The following DDX50 variants were observed in gnomAD, a reference collection of about 807,000 sequenced individuals.
DDX50 encodes the protein DExD-box helicase 50.
Under a neutral mutation model 94.8 loss-of-function variants are expected in DDX50, and 56 were observed. The ratio of observed to expected loss-of-function variants is 0.59; its 90% CI spans 0.48 to 0.74. The LOEUF (loss-of-function observed/expected upper bound fraction) is 0.74, where lower values mean the gene tolerates loss of function less well. Among genes scored for constraint, DDX50 ranks in the 30% least tolerant of loss-of-function variants. The pLI is 0.00. For missense variants in DDX50, 713 were observed against 881.2 expected (o/e 0.81, Z 2.42); for synonymous variants, 264 against 295.4 (o/e 0.89, Z 1.09).
chr10:68,946,816 A>T lies in DDX50; in HGVS notation c.*186A>T, dbSNP rs945202053. ...TCTACTTATCCAGTTATACCTTTGA[A>T]TAAAAAAACCTCCTTTTATTGTCTC... On this transcript the variant is annotated 3_prime_UTR_variant, in exon 15 of 15. Transcript: ENST00000373585. 2 of 702,894 alleles carry T rather than the reference A, an allele frequency of 2.8e-6. No homozygotes were observed. Among genetic ancestry groups the T allele is most frequent in the Non-Finnish European group, 4.5e-6 (2 of 446,072 alleles). 43.5% of individuals were successfully genotyped at this position (702,894 alleles called of 1,614,324 possible). A position where few individuals can be genotyped will look rare whatever the true frequency, so the allele number is the denominator to read the frequency against.
chr10:68,946,240 G>T, intron 14 of DDX50, 112 bp from the exon 15 acceptor site: 1 of 1,311,928 alleles, frequency 7.6e-7, no homozygotes, highest in Non-Finnish European at 1.0e-6. Context: ...TACGTTAACA[G>T]AATAGATGGC....
Position 68,936,930 on chromosome 10 carries a change from C to T in DDX50, c.1596-6C>T, listed in dbSNP as rs1346278039. 1.3e-6 allele frequency: 2 copies of T among 1,591,644 alleles called. No individual in the cohort carries two copies. The highest frequency in any genetic ancestry group is 2.3e-5 in the South Asian group (2 of 88,440). On this transcript the variant is annotated splice_region_variant and splice_polypyrimidine_tract_variant and intron_variant, in intron 11 of 14. Coordinates refer to ENST00000373585, the MANE Select transcript of DDX50 (RefSeq NM_024045.2). ...CTTGACCAAGAATACTATTTTTAAA[C>T]CATAGGTCTCTGGCTTCCGTTTCTT...
At chr10:68,929,311 C>CTT (rs1842181375) in intron 8 of DDX50, among the ~76,000 whole-genome samples, 1 of 138,754 alleles carries the variant, frequency 7.2e-6, no homozygotes, top group Non-Finnish European at 1.5e-5. Flanking sequence ...CTCTCTCTCT[C>CTT]TCTTTCTTTC....
At chr10:68,915,242 T>G (rs1160365861) in intron 7 of DDX50, among the ~76,000 whole-genome samples, 1 of 150,144 alleles carries the variant, frequency 6.7e-6, no homozygotes, top group Non-Finnish European at 1.5e-5. Flanking sequence ...TGAAACTCCA[T>G]TTTTACTAAA....
In DDX50 at chr10:68,913,292, G is replaced by A; in HGVS notation, c.757+13G>A. Reference sequence around the variant, plus strand: ...TATCAAAGCCAAAGTGAGTAAATATGTTTGATAGACGTGCAAAGGCATATT... The same window carrying A: ...TATCAAAGCCAAAGTGAGTAAATATATTTGATAGACGTGCAAAGGCATATT... On this transcript the variant is annotated intron_variant, in intron 5 of 14. Coordinates refer to ENST00000373585, the MANE Select transcript of DDX50 (RefSeq NM_024045.2). 1 of 1,607,496 alleles carries A rather than the reference G, an allele frequency of 6.2e-7. No homozygotes were observed. Among genetic ancestry groups the A allele is most frequent in the Non-Finnish European group, 8.5e-7 (1 of 1,178,232 alleles).
At chr10:68,906,411 A>G (rs913275191) in intron 1 of DDX50, 3 of 259,206 alleles carry the variant, frequency 1.2e-5, no homozygotes, top group Admixed American at 5.2e-5. Flanking sequence ...AGTAATTTAT[A>G]ATTCTGGGGT....
In DDX50 at chr10:68,936,922, T is replaced by C. The variant is rs761856550; in HGVS notation, c.1596-14T>C. On this transcript the variant is annotated splice_polypyrimidine_tract_variant and intron_variant, in intron 11 of 14. Coordinates refer to ENST00000373585, the MANE Select transcript of DDX50 (RefSeq NM_024045.2). ...CCCTATGTCTTGACCAAGAATACTA[T>C]TTTTAAACCATAGGTCTCTGGCTTC... 30 of 1,580,564 alleles carry C rather than the reference T, an allele frequency of 1.9e-5. No individual in the cohort carries two copies. The highest frequency in any genetic ancestry group is 2.3e-4 in the Middle Eastern group (1 of 4,338).
intron 1 of DDX50, among the ~76,000 whole-genome samples, chr10:68,905,108 GT>G (rs1422700515): frequency 6.6e-6 from 1 of 152,158 alleles, no homozygotes; most frequent in Non-Finnish European, 1.5e-5. Flanking sequence ...TAGAGACGGG[GT>G]TTCCCCATGT....
At chr10:68,920,109 G>A in intron 8 of DDX50, 128 bp downstream of exon 8, 1 of 1,119,870 alleles carries the variant, frequency 8.9e-7, no homozygotes, top group South Asian at 1.5e-5. Context: ...GCTGGGCATG[G>A]TGGCCCACAC....
chr10:68,901,431 C>T lies in DDX50; in HGVS notation c.47C>T (p.Pro16Leu), dbSNP rs1457918037. ...LWGDIMELEA[P>L]LEESESQKKE... ...GGGGACATTATGGAGCTGGAAGCAC[C>T]CTTGGAGGAGTCCGAGAGCCAGAAG... The change falls in exon 1 of 15, where the codon CCC becomes CTC. Residue 16 changes from proline (P) to leucine (L), a missense_variant. Transcript: ENST00000373585. 1 of 1,575,938 alleles carries T rather than the reference C, an allele frequency of 6.3e-7. No individual in the cohort carries two copies. The highest frequency in any genetic ancestry group is 8.6e-7 in the Non-Finnish European group (1 of 1,161,444).
chr10:68,924,270 C>A (rs768999626), intron 8 of DDX50, among the ~76,000 whole-genome samples: 1 of 151,858 alleles, frequency 6.6e-6, no homozygotes, highest in African/African-American at 2.4e-5. Flanking sequence ...CCGTGTCTGC[C>A]AAAATTTTTT....
rs1841689660 is a variant in DDX50, at chr10:68,913,386, C to A, written c.758-5C>A. The A allele has an allele frequency of 6.2e-7, 1 of 1,608,088 alleles. No individual in the cohort carries two copies. The highest frequency in any genetic ancestry group is 1.7e-5 in the Admixed American group (1 of 58,796). On this transcript the variant is annotated splice_polypyrimidine_tract_variant and splice_region_variant and intron_variant, in intron 5 of 14. Coordinates refer to ENST00000373585, the MANE Select transcript of DDX50 (RefSeq NM_024045.2). ...CATATTGGTGGCATTTCTCTCTTCT[C>A]ACAGTTAATCATATTCGAAATGGTA...
At chr10:68,905,942 C>T (rs992801851) in intron 1 of DDX50, among the ~76,000 whole-genome samples, 4 of 152,038 alleles carry the variant, frequency 2.6e-5, no homozygotes, top group South Asian at 4.1e-4. Context: ...AATAAAATGG[C>T]AAAGGTAATA....
At chr10:68,912,631 A>T (rs1174485295) in intron 4 of DDX50, among the ~76,000 whole-genome samples, 1 of 152,244 alleles carries the variant, frequency 6.6e-6, no homozygotes, top group Admixed American at 6.5e-5. Context: ...CAAGTCTCTC[A>T]TTTACGAAAA....
In DDX50 at chr10:68,946,825, C is replaced by A. The variant is rs1564621382; in HGVS notation, c.*195C>A. The A allele has an allele frequency of 9.1e-6, 6 of 659,562 alleles. No homozygotes were observed. The highest frequency in any genetic ancestry group is 3.0e-5 in the East Asian group (1 of 33,818). The allele number at this position is 659,562 out of a possible 1,614,324, so 40.9% of individuals were successfully genotyped here. The stretch of plus-strand genomic sequence containing the variant: ...CCAGTTATACCTTTGAATAAAAAAA[C>A]CTCCTTTTATTGTCTCTTTTCACTT... On this transcript the variant is annotated 3_prime_UTR_variant, in exon 15 of 15. Coordinates refer to ENST00000373585, the MANE Select transcript of DDX50 (RefSeq NM_024045.2).
intron 14 of DDX50, among the ~76,000 whole-genome samples, chr10:68,945,354 T>C (rs1229974755): frequency 6.6e-6 from 1 of 152,044 alleles, no homozygotes; most frequent in Non-Finnish European, 1.5e-5. Flanking sequence ...TCGCCCAGGC[T>C]GGAGTGTAGT....
At position 68,913,583 on chromosome 10, in the gene DDX50, C is replaced by T; in HGVS notation, c.943+7C>T. On this transcript the variant is annotated splice_region_variant and intron_variant, in intron 6 of 14. Transcript: ENST00000373585. The stretch of plus-strand genomic sequence containing the variant: ...CATGAATCCTACAAAACTGGTATAT[C>T]CTAATTCAAAATAAGCACATTAGCA... The T allele has an allele frequency of 3.1e-6, 5 of 1,596,482 alleles. No homozygotes were observed. In the Admixed American group the frequency reaches 7.1e-5, roughly 23 times the overall value.
At chr10:68,904,774 T>C (rs1001282050) in intron 1 of DDX50, among the ~76,000 whole-genome samples, 2 of 152,250 alleles carry the variant, frequency 1.3e-5, no homozygotes, top group African/African-American at 4.8e-5. Flanking sequence ...TAAATAATCT[T>C]ATTTTTCTGT....
In DDX50 at chr10:68,901,389, C is replaced by T; in HGVS notation, c.5C>T (p.Pro2Leu). ...GGGAGGCGGCGGTGGCCAGTAATGCCTGGGAAACTCCTCTGGGGGGACATT... is the reference window on the plus strand; with the variant it reads ...GGGAGGCGGCGGTGGCCAGTAATGCTTGGGAAACTCCTCTGGGGGGACATT... MPGKLLWGDIME... is the reference protein window; with the variant it reads MLGKLLWGDIME... The change falls in exon 1 of 15, where the codon CCT (proline) becomes CTT (leucine). Residue 2 changes from proline (P) to leucine (L), a missense_variant. Coordinates refer to ENST00000373585, the MANE Select transcript of DDX50 (RefSeq NM_024045.2). The T allele has an allele frequency of 6.5e-7, 1 of 1,550,252 alleles. No individual in the cohort carries two copies. The highest frequency in any genetic ancestry group is 8.7e-7 in the Non-Finnish European group (1 of 1,147,844).
Sources: allele counts gnomAD v4.1 joint callset (sites outside exome capture counted in the v4.1 genomes callset), GRCh38; gene constraint gnomAD v4.1.1; transcripts MANE v1.5; gene names NCBI Gene and HGNC (gene_info 2026-07-23, HGNC 2026-07-21).